Variants in SEL1L3 observed in about 807,000 individuals in gnomAD.
SEL1L3 encodes the protein protein sel-1 homolog 3.
A neutral mutation model predicts 142.8 loss-of-function variants in SEL1L3; 76 were observed. The ratio of observed to expected loss-of-function variants is 0.53; its 90% CI spans 0.44 to 0.64. SEL1L3 has a LOEUF of 0.64. Among genes scored for constraint, SEL1L3 ranks in the 30% least tolerant of loss-of-function variants. SEL1L3 has a pLI of 0.00. For synonymous variants in SEL1L3, 504 were observed against 519.6 expected (o/e 0.97, Z 0.41); for missense variants, 1,262 against 1,381.7 (o/e 0.91, Z 1.37).
intron 17 of SEL1L3, chr4:25,770,258 G>A (rs1719064042): frequency 6.6e-6 from 1 of 152,202 alleles, no homozygotes; most frequent in Non-Finnish European, 1.5e-5. Flanking sequence ...AATATCTTGT[G>A]TCTAAAGTGA....
At chr4:25,854,326 C>T (rs1717099323) in intron 1 of SEL1L3, among the ~76,000 whole-genome samples, 1 of 152,152 alleles carries the variant, frequency 6.6e-6, no homozygotes, top group African/African-American at 2.4e-5. Flanking sequence ...CGCCCAGGCT[C>T]AAGTGCAGTG....
At chr4:25,765,135 C>T (rs900473751) in intron 20 of SEL1L3, among the ~76,000 whole-genome samples, 191 bp downstream of exon 20, 14 of 152,160 alleles carry the variant, frequency 9.2e-5, no homozygotes, top group Non-Finnish European at 1.5e-4. Flanking sequence ...GCTGGGACTA[C>T]AGGCGAGCAC....
intron 9 of SEL1L3, among the ~76,000 whole-genome samples, chr4:25,809,088 AG>A (rs1466685937): frequency 6.0e-5 from 9 of 149,846 alleles, no homozygotes; most frequent in African/African-American, 2.2e-4. Context: ...AAAAAAAAAA[AG>A]CCTATTTGTA....
chr4:25,739,565 C>T, the SEL1L3 span, among the ~76,000 whole-genome samples: 6 of 152,000 alleles, frequency 3.9e-5, no homozygotes, highest in Non-Finnish European at 8.8e-5. Flanking sequence ...GTCAGCTGGG[C>T]ATGGTGGCAC....
At chr4:25,766,619 C>T (rs950577562) in intron 19 of SEL1L3, among the ~76,000 whole-genome samples, 7 of 152,098 alleles carry the variant, frequency 4.6e-5, no homozygotes, top group South Asian at 2.1e-4. Context: ...GAGAAGGCTA[C>T]TATCATCCCC....
intron 21 of SEL1L3, 51 bp downstream of exon 21, chr4:25,758,890 C>T: frequency 6.5e-7 from 1 of 1,549,388 alleles, no homozygotes; most frequent in Non-Finnish European, 8.7e-7. Flanking sequence ...AAGCGAACAT[C>T]ATCTACTTGG....
chr4:25,785,714 T>C (rs983843683), intron 13 of SEL1L3, among the ~76,000 whole-genome samples: 2 of 152,050 alleles, frequency 1.3e-5, no homozygotes, highest in African/African-American at 2.4e-5. Context: ...ACACTTGGAG[T>C]AACTGGAGAG....
intron 17 of SEL1L3, among the ~76,000 whole-genome samples, chr4:25,769,129 T>C (rs1371817823): frequency 1.3e-5 from 2 of 152,224 alleles, no homozygotes; most frequent in Non-Finnish European, 2.9e-5. Context: ...TAATAACTCT[T>C]TTTTAATTTT....
intron 20 of SEL1L3, among the ~76,000 whole-genome samples, chr4:25,762,506 A>G (rs1273534040): frequency 6.6e-6 from 1 of 152,212 alleles, no homozygotes; most frequent in Non-Finnish European, 1.5e-5. Context: ...CTATAGATAA[A>G]TATGTGTCAA....
At chr4:25,783,544 C>G (rs1326588885) in intron 14 of SEL1L3, among the ~76,000 whole-genome samples, 1 of 151,340 alleles carries the variant, frequency 6.6e-6, no homozygotes, top group African/African-American at 2.4e-5. Context: ...TTCTGCAAAT[C>G]TATTTATTTG....
At position 25,847,827 on chromosome 4, in the gene SEL1L3, G is replaced by C. The variant is rs776069949; in HGVS notation, c.200C>G (p.Thr67Arg). The C allele has an allele frequency of 6.3e-7, 1 of 1,588,816 alleles. No homozygotes were observed. Among genetic ancestry groups the C allele is most frequent in the Admixed American group, 1.8e-5 (1 of 54,496 alleles). Residue 67 changes from threonine to arginine, a missense_variant, in exon 2 of 24, where the codon ACG (threonine) becomes AGG (arginine). Physicochemically the swap from Thr to Arg is moderately conservative, Grantham distance 71. Transcript: ENST00000399878. ...CTCAGCTTTGGGTATCACTGATGTC[G>C]TCAGGGAAGTCTGCCTACCCAAAGA... Reference protein sequence around the residue: ...VPSLGRQTSLTTSVIPKAEQS... With the variant: ...VPSLGRQTSLRTSVIPKAEQS...
At chr4:25,836,882 G>A (rs1280110089) in intron 2 of SEL1L3, among the ~76,000 whole-genome samples, 1 of 152,036 alleles carries the variant, frequency 6.6e-6, no homozygotes. Flanking sequence ...ATATAGAGAG[G>A]TACCTCTGGT....
In SEL1L3 at chr4:25,757,728, T is replaced by G. The variant is rs1718089933; in HGVS notation, c.3146A>C (p.His1049Pro). The change falls in exon 22 of 24, where the codon CAC becomes CCC. Residue 1049 changes from histidine to proline, a missense_variant. Physicochemically the swap from His to Pro is moderately conservative, Grantham distance 77. Around this residue, in one of 3 missense-constraint regions of SEL1L3, gnomAD observed 138 missense variants for 129.7 expected, o/e 1.06. Transcript: ENST00000399878. ...SPCSLAWLYL[H>P]LRLLWGAILH... ...GATAGCACCCCAGAGAAGCCGCAAG[T>G]GCAGGTAAAGCCAGGCCAAGGAGCA... is the stretch of plus-strand genomic sequence containing the variant. 2.5e-6 allele frequency: 4 copies of G among 1,598,656 alleles called. No homozygotes were observed. Among genetic ancestry groups the G allele is most frequent in the Non-Finnish European group, 3.4e-6 (4 of 1,172,912 alleles).
At chr4:25,763,208 A>G (rs1718500547) in intron 20 of SEL1L3, among the ~76,000 whole-genome samples, 2 of 152,108 alleles carry the variant, frequency 1.3e-5, no homozygotes, top group South Asian at 4.1e-4. Flanking sequence ...TCCAGGCCCA[A>G]TTTTAAGTGA....
intron 11 of SEL1L3, among the ~76,000 whole-genome samples, chr4:25,798,582 C>T (rs1213099645): frequency 1.3e-5 from 2 of 152,192 alleles, no homozygotes; most frequent in Non-Finnish European, 2.9e-5. Context: ...AATCCCAGCA[C>T]TTTGGGAGGC....
intron 11 of SEL1L3, among the ~76,000 whole-genome samples, chr4:25,794,756 C>T (rs1712595029): frequency 1.3e-5 from 2 of 152,162 alleles, no homozygotes; most frequent in South Asian, 4.1e-4. Context: ...TACAAAGATA[C>T]ATGTGTGCAT....
intron 9 of SEL1L3, among the ~76,000 whole-genome samples, chr4:25,810,808 C>T (rs1169773142): frequency 1.3e-5 from 2 of 152,166 alleles, no homozygotes; most frequent in African/African-American, 4.8e-5. Flanking sequence ...AGAGCAGAGG[C>T]CCTGGAATGC....
At chr4:25,718,201 G>A in the SEL1L3 span, 1 of 152,160 alleles carries the variant, frequency 6.6e-6, no homozygotes, top group Non-Finnish European at 1.5e-5. Context: ...TAATATGCAA[G>A]TGTCCCTCAT....
chr4:25,766,560 G>A (rs1718748748), intron 19 of SEL1L3, among the ~76,000 whole-genome samples: 1 of 152,102 alleles, frequency 6.6e-6, no homozygotes. Context: ...GATGTTGGGA[G>A]AGCTGAAAAG....
Sources: allele counts gnomAD v4.1 joint callset (sites outside exome capture counted in the v4.1 genomes callset), GRCh38; gene constraint gnomAD v4.1.1; regional missense constraint gnomAD v4.1.1; transcripts MANE v1.5; gene names NCBI Gene and HGNC (gene_info 2026-07-23, HGNC 2026-07-21).